Variants in ALMS1 observed in about 807,000 individuals in gnomAD.
ALMS1 encodes centrosome-associated protein ALMS1.
In ALMS1, 271 loss-of-function variants were observed where a neutral mutation model predicts 352.2. The ratio of observed to expected loss-of-function variants is 0.77; its 90% confidence interval spans 0.70 to 0.85. The LOEUF (loss-of-function observed/expected upper bound fraction) is 0.85, where lower values mean the gene tolerates loss of function less well. ALMS1 is among the 40% of genes least tolerant of loss of function. The pLI is 0.00. For missense variants in ALMS1, 5,445 were observed against 4,870.7 expected, an observed-to-expected ratio of 1.12 and a Z score of -3.51; for synonymous variants, 1,865 against 1,761.2, an observed-to-expected ratio of 1.06 and a Z score of -1.48.
chr2:73,453,419 A>G lies in ALMS1; in HGVS notation c.6892A>G (p.Lys2298Glu). The G allele has an allele frequency of 6.2e-7, 1 of 1,613,546 alleles. No homozygotes were observed. The highest frequency in any genetic ancestry group is 8.5e-7 in the Non-Finnish European group (1 of 1,179,694). ...DISDISFIQS[K>E]KVVCFKEPSS... Reference sequence around the variant, plus strand: ...TAGTGATATTTCATTTATACAATCTAAGAAGGTGGTTTGCTTCAAAGAACC... The same window carrying G: ...TAGTGATATTTCATTTATACAATCTGAGAAGGTGGTTTGCTTCAAAGAACC... The change falls in exon 8 of 23, where the codon AAG (lysine) becomes GAG (glutamate). Residue 2298 changes from lysine to glutamate, a missense_variant. Coordinates refer to ENST00000613296, the MANE Select transcript of ALMS1 (RefSeq NM_001378454.1).
At chr2:73,569,677 TA>T (rs1180155805) in intron 15 of ALMS1, among the ~76,000 whole-genome samples, 1 of 152,228 alleles carries the variant, frequency 6.6e-6, no homozygotes, top group East Asian at 1.9e-4. Context: ...CTCTGCTTTA[TA>T]AATGAAATAA....
chr2:73,454,491 T>C (rs1232814764), intron 8 of ALMS1: 1 of 521,656 alleles, frequency 1.9e-6, no homozygotes, highest in Non-Finnish European at 2.5e-6. Context: ...CTAAATTGCT[T>C]TTTGTCCTAA....
intron 1 of ALMS1, among the ~76,000 whole-genome samples, chr2:73,407,438 A>G (rs1572903878): frequency 6.6e-6 from 1 of 152,338 alleles, no homozygotes; most frequent in Middle Eastern, 3.4e-3. Context: ...ATGTAGATTT[A>G]TAGTTAATTT....
intron 9 of ALMS1, among the ~76,000 whole-genome samples, chr2:73,480,582 T>A (rs1672677990): frequency 6.6e-6 from 1 of 151,812 alleles, no homozygotes; most frequent in Non-Finnish European, 1.5e-5. Context: ...GTCCTTTGGG[T>A]ATATACCCAG....
intron 7 of ALMS1, among the ~76,000 whole-genome samples, chr2:73,436,858 C>T (rs910124764): frequency 1.3e-5 from 2 of 152,172 alleles, no homozygotes; most frequent in Non-Finnish European, 2.9e-5. Context: ...TTGTTACTGG[C>T]TAAGCCCAAT....
At position 73,463,527 on chromosome 2, in the gene ALMS1, T is replaced by G. The variant is rs1672256036; in HGVS notation, c.7674+8232T>G. On this transcript the variant is annotated intron_variant, in intron 9 of 22. Coordinates refer to ENST00000613296, the MANE Select transcript of ALMS1 (RefSeq NM_001378454.1). ...AAGATCCAAAATTGACACCCTAACA[T>G]CACAATTAAAAGAACTAGAAAAGCA... Among the ~76,000 whole-genome samples, 2 of 133,274 alleles carry G rather than the reference T, an allele frequency of 1.5e-5. 1 individual carries two copies. Among genetic ancestry groups the G allele is most frequent in the South Asian group, 5.4e-4 (2 of 3,684 alleles). The allele number at this position is 133,274 out of a possible 152,430, so 87.4% of individuals were successfully genotyped here. A position where few individuals can be genotyped will look rare whatever the true frequency, so the allele number is the denominator to read the frequency against.
intron 16 of ALMS1, among the ~76,000 whole-genome samples, chr2:73,591,735 A>G (rs1353128138): frequency 6.6e-6 from 1 of 152,204 alleles, no homozygotes; most frequent in Non-Finnish European, 1.5e-5. Flanking sequence ...TCTTATAGTT[A>G]TTAAAGCCAA....
At chr2:73,599,661 C>A (rs912228217) in intron 17 of ALMS1, 140 bp downstream of exon 17, 1 of 1,098,850 alleles carries the variant, frequency 9.1e-7, no homozygotes, top group Non-Finnish European at 1.3e-6. Context: ...GTCAGATTGG[C>A]ATAAATTCAA....
chr2:73,560,720 T>G lies in ALMS1; in HGVS notation c.10384+1578T>G, dbSNP rs1274622581. On this transcript the variant is annotated intron_variant, in intron 15 of 22. Coordinates refer to ENST00000613296, the MANE Select transcript of ALMS1 (RefSeq NM_001378454.1). ...ATAAAGAAAGCATGTTACATACATA[T>G]TTGTATTGTGCAGCCTTAAGAAAGA... Among the ~76,000 whole-genome samples the G allele has an allele frequency of 3.3e-5, 5 of 152,256 alleles. No homozygotes were observed. In the East Asian group the frequency reaches 9.6e-4, roughly 29 times the overall value.
chr2:73,391,926 G>A (rs899411043), intron 1 of ALMS1, among the ~76,000 whole-genome samples: 6 of 151,988 alleles, frequency 3.9e-5, no homozygotes, highest in Non-Finnish European at 8.8e-5. Flanking sequence ...GTCTATATAT[G>A]TTCTCCTTTC....
intron 13 of ALMS1, among the ~76,000 whole-genome samples, chr2:73,554,681 C>G (rs559640477): frequency 1.3e-5 from 2 of 152,242 alleles, no homozygotes; most frequent in East Asian, 3.9e-4. Context: ...CCACTGCACT[C>G]CAGCCTGTCG....
intron 17 of ALMS1, among the ~76,000 whole-genome samples, 162 bp from the exon 18 acceptor site, chr2:73,600,516 T>C (rs983457873): frequency 6.6e-6 from 1 of 152,092 alleles, no homozygotes; most frequent in African/African-American, 2.4e-5. Flanking sequence ...CCTCCTACTC[T>C]CCCCTGTCCT....
intron 12 of ALMS1, among the ~76,000 whole-genome samples, chr2:73,546,840 G>A (rs547817086): frequency 6.6e-6 from 1 of 152,158 alleles, no homozygotes; most frequent in African/African-American, 2.4e-5. Flanking sequence ...TTAAAGATCT[G>A]ATTGGTTTTT....
At chr2:73,414,061 C>T (rs1480056735) in intron 2 of ALMS1, among the ~76,000 whole-genome samples, 1 of 152,012 alleles carries the variant, frequency 6.6e-6, no homozygotes, top group African/African-American at 2.4e-5. Flanking sequence ...ATTTTAAAAG[C>T]CTGCTGGAAT....
chr2:73,453,731 A>G lies in ALMS1; in HGVS notation c.7204A>G (p.Lys2402Glu). Residue 2402 changes from lysine to glutamate, a missense_variant, in exon 8 of 23, where the codon AAA becomes GAA. Lys to Glu is a moderately conservative substitution (Grantham distance 56). Coordinates refer to ENST00000613296, the MANE Select transcript of ALMS1 (RefSeq NM_001378454.1). Reference protein sequence around the residue: ...PEGCSGTIGNKIIIPMMTVIK... With the variant: ...PEGCSGTIGNEIIIPMMTVIK... ...AGGGTGTAGTGGAACCATTGGGAAT[A>G]AAATTATTATCCCTATGATGACTGT... 1.2e-6 allele frequency: 2 copies of G among 1,614,146 alleles called. No individual in the cohort carries two copies. Among genetic ancestry groups the G allele is most frequent in the East Asian group, 4.5e-5 (2 of 44,888 alleles).
chr2:73,599,580 T>C, intron 17 of ALMS1, 59 bp downstream of exon 17: 3 of 1,549,242 alleles, frequency 1.9e-6, no homozygotes, highest in Non-Finnish European at 2.7e-6. Context: ...CTTAAACATG[T>C]AAGATACTCA....
At chr2:73,463,488 A>G (rs1672255335) in intron 9 of ALMS1, among the ~76,000 whole-genome samples, 1 of 142,440 alleles carries the variant, frequency 7.0e-6, no homozygotes, top group Non-Finnish European at 1.5e-5. Context: ...AAATGCCCAC[A>G]AGAGAAAGCA....
intron 1 of ALMS1, among the ~76,000 whole-genome samples, chr2:73,397,744 A>G (rs1050156006): frequency 3.3e-5 from 5 of 152,320 alleles, no homozygotes; most frequent in Middle Eastern, 3.4e-3. Context: ...CTGGGATTAC[A>G]GGCGTGCGGT....
intron 16 of ALMS1, among the ~76,000 whole-genome samples, chr2:73,594,021 C>A (rs1675493298): frequency 2.0e-5 from 3 of 152,126 alleles, no homozygotes; most frequent in Admixed American, 1.3e-4. Flanking sequence ...CTATTATGAA[C>A]AAAACTGCTA....
Sources: gnomAD v4.1 joint callset for allele counts (sites outside exome capture counted in the v4.1 genomes callset) on GRCh38, gnomAD v4.1.1 for gene constraint, MANE v1.5 for transcripts, NCBI Gene and HGNC (gene_info 2026-07-23, HGNC 2026-07-21) for gene names.